PPFIA2: variants seen among roughly 807,000 people sequenced by gnomAD.
PPFIA2 encodes the protein PPFI scaffold protein A2.
PPFIA2 carries 46 observed loss-of-function variants against 175.5 expected under a neutral mutation model. The observed-to-expected ratio is 0.26, with a 90% confidence interval of 0.21 to 0.34. PPFIA2 has a LOEUF of 0.34. Among genes scored for constraint, PPFIA2 ranks in the 10% least tolerant of loss-of-function variants. The pLI, the probability that PPFIA2 is intolerant of heterozygous loss-of-function variation, is 1.00. For missense variants in PPFIA2, 1,179 were observed against 1,506.1 expected (o/e 0.78, Z 3.60); for synonymous variants, 568 against 511.4 (o/e 1.11, Z -1.49).
At position 81,705,954 on chromosome 12, in the gene PPFIA2, G is replaced by A. The variant is rs12310614; in HGVS notation, c.250-29110C>T. On this transcript the variant is annotated intron_variant, in intron 3 of 32. Coordinates refer to ENST00000549396, the MANE Select transcript of PPFIA2 (RefSeq NM_003625.5). ...CACTTGAAATGTGGCTATTTGCCAC[G>A]TGTTAAAATGATATTTTGGATATAT... is the stretch of plus-strand genomic sequence containing the variant. 6.8e-3 allele frequency among the ~76,000 whole-genome samples: 1,035 copies of A among 152,244 alleles called. 9 individuals carry two copies. The highest frequency in any genetic ancestry group is 0.024 in the African/African-American group (983 of 41,558).
chr12:81,551,262 C>T (rs1024416161), intron 4 of PPFIA2, among the ~76,000 whole-genome samples: 10 of 151,800 alleles, frequency 6.6e-5, no homozygotes, highest in Admixed American at 5.9e-4. Flanking sequence ...TGGGGTGAGC[C>T]ATATCCAAAA....
chr12:81,569,846 T>A (rs999500843), intron 4 of PPFIA2, among the ~76,000 whole-genome samples: 2 of 152,062 alleles, frequency 1.3e-5, no homozygotes, highest in African/African-American at 4.8e-5. Flanking sequence ...TACTGATTTT[T>A]TTATAGATAG....
At chr12:81,328,695 G>A (rs2055378904) in intron 21 of PPFIA2, among the ~76,000 whole-genome samples, 1 of 152,136 alleles carries the variant, frequency 6.6e-6, no homozygotes, top group Non-Finnish European at 1.5e-5. Flanking sequence ...TATGTTGAGG[G>A]AGGGTGCATT....
chr12:81,416,505 A>G (rs1388512071), intron 7 of PPFIA2, among the ~76,000 whole-genome samples: 1 of 151,694 alleles, frequency 6.6e-6, no homozygotes, highest in African/African-American at 2.4e-5. Context: ...TCACCAAGGA[A>G]GATGCTATTG....
At position 81,267,933 on chromosome 12, in the gene PPFIA2, C is replaced by G; in HGVS notation, c.3465G>C (p.Gln1155His). ...FDYSSLALLLQIPTQNTQARQ... is the reference protein window; with the variant it reads ...FDYSSLALLLHIPTQNTQARQ... ...TTGCCTGGGTGTTCTGTGTTGGAAT[C>G]TGTAATAATAAAGCTAAGCTGCTGT... The change falls in exon 29 of 33, where the codon CAG (glutamine) becomes CAC (histidine). Residue 1155 changes from glutamine (Q) to histidine (H), a missense_variant. Coordinates refer to ENST00000549396, the MANE Select transcript of PPFIA2 (RefSeq NM_003625.5). The G allele has an allele frequency of 3.1e-6, 5 of 1,596,312 alleles. No homozygotes were observed. Among genetic ancestry groups the G allele is most frequent in the Non-Finnish European group, 4.3e-6 (5 of 1,170,370 alleles).
intron 22 of PPFIA2, among the ~76,000 whole-genome samples, chr12:81,319,921 C>T (rs2053287422): frequency 6.6e-6 from 1 of 152,018 alleles, no homozygotes; most frequent in South Asian, 2.1e-4. Flanking sequence ...TACTGCATGC[C>T]TACAAAACAA....
rs762977214 is a variant in PPFIA2, at chr12:81,277,415, C to CT, written c.3213-2dup. On this transcript the variant is annotated splice_acceptor_variant, in intron 27 of 32. Coordinates refer to ENST00000549396, the MANE Select transcript of PPFIA2 (RefSeq NM_003625.5). LOFTEE classifies it high-confidence loss of function. ...CATAATTCCATATTGTAAACTTGTT[C>CT]TTTTTTTTTTATTAAAAAAAAAAAA... The CT allele has an allele frequency of 3.9e-3, 4,719 of 1,206,162 alleles. No homozygotes were observed. The highest frequency in any genetic ancestry group is 0.01 in the South Asian group (559 of 54,612). 74.7% of individuals were successfully genotyped at this position (1,206,162 alleles called of 1,614,324 possible). A position where few individuals can be genotyped will look rare whatever the true frequency, so the allele number is the denominator to read the frequency against.
intron 4 of PPFIA2, among the ~76,000 whole-genome samples, chr12:81,609,012 AAG>A (rs1219254625): frequency 6.6e-6 from 1 of 151,956 alleles, no homozygotes; most frequent in African/African-American, 2.4e-5. Context: ...ATTAATTTCA[AAG>A]AATTTTTTTT....
At chr12:81,547,857 C>A (rs1470717153) in intron 4 of PPFIA2, among the ~76,000 whole-genome samples, 1 of 152,080 alleles carries the variant, frequency 6.6e-6, no homozygotes, top group Non-Finnish European at 1.5e-5. Flanking sequence ...GGTTTTCTGG[C>A]AAAGAACTAT....
intron 5 of PPFIA2, among the ~76,000 whole-genome samples, chr12:81,449,843 A>T (rs935952933): frequency 4.4e-5 from 6 of 137,212 alleles, no homozygotes; most frequent in Admixed American, 2.5e-4. Context: ...CCTGTGTCCA[A>T]ATGTTCTCAT....
chr12:81,573,015 G>C (rs1347751471), intron 4 of PPFIA2, among the ~76,000 whole-genome samples: 1 of 117,270 alleles, frequency 8.5e-6, no homozygotes, highest in Non-Finnish European at 1.9e-5. Flanking sequence ...TTAATATTGA[G>C]AGAGAGAGAG....
Position 81,360,085 on chromosome 12 carries a change from G to T in PPFIA2, c.1638-1868C>A, listed in dbSNP as rs1358826157. Among the ~76,000 whole-genome samples the T allele has an allele frequency of 2.0e-5, 3 of 151,864 alleles. No homozygotes were observed. In the East Asian group the frequency reaches 5.8e-4, roughly 29 times the overall value. ...TGTGGTTAACAGTTTTAAGGTCTCA[G>T]TTTAAAAGTGCTATTGCCATCTACC... On this transcript the variant is annotated intron_variant, in intron 15 of 32. Transcript: ENST00000549396.
chr12:81,699,950 T>A (rs1297680619), intron 3 of PPFIA2, among the ~76,000 whole-genome samples: 1 of 152,066 alleles, frequency 6.6e-6, no homozygotes, highest in Admixed American at 6.6e-5. Flanking sequence ...AAATTCTTAC[T>A]GGATGTTCAT....
intron 4 of PPFIA2, among the ~76,000 whole-genome samples, chr12:81,540,845 A>T (rs2066097844): frequency 6.6e-6 from 1 of 152,050 alleles, no homozygotes; most frequent in Non-Finnish European, 1.5e-5. Flanking sequence ...TCTATCATTA[A>T]GATTTAAGAA....
intron 22 of PPFIA2, among the ~76,000 whole-genome samples, chr12:81,299,625 A>T (rs1021264668): frequency 4.6e-5 from 7 of 152,208 alleles, no homozygotes; most frequent in Non-Finnish European, 8.8e-5. Context: ...AAATTAGAAC[A>T]TTAAGTGCTA....
chr12:81,493,366 T>C (rs1324508111), intron 4 of PPFIA2, among the ~76,000 whole-genome samples: 3 of 151,962 alleles, frequency 2.0e-5, no homozygotes, highest in Non-Finnish European at 2.9e-5. Flanking sequence ...AGTGTTCAGA[T>C]GCTGGGAAGA....
At chr12:81,476,934 T>C (rs1419800734) in intron 4 of PPFIA2, among the ~76,000 whole-genome samples, 1 of 152,082 alleles carries the variant, frequency 6.6e-6, no homozygotes, top group Non-Finnish European at 1.5e-5. Context: ...TGGAAGCCAT[T>C]ATCCACAGCA....
chr12:81,288,408 T>A lies in PPFIA2; in HGVS notation c.2926-4105A>T, dbSNP rs371347229. On this transcript the variant is annotated intron_variant, in intron 24 of 32. Transcript: ENST00000549396. ...CCCCTTAGTACCCATGGAATAGAAC[T>A]TTGAGAAAGTATCAAGGGAGAAGGA... 1.7e-4 allele frequency among the ~76,000 whole-genome samples: 26 copies of A among 151,810 alleles called. No homozygotes were observed. The South Asian group carries it at 5.0e-3, about 29-fold the overall frequency.
intron 7 of PPFIA2, among the ~76,000 whole-genome samples, chr12:81,428,769 C>T (rs954481260): frequency 6.6e-6 from 1 of 151,906 alleles, no homozygotes; most frequent in Non-Finnish European, 1.5e-5. Context: ...ATCTTCTAAC[C>T]AAAAATGATA....
Sources: gnomAD v4.1 joint callset for allele counts (sites outside exome capture counted in the v4.1 genomes callset) on GRCh38, gnomAD v4.1.1 for gene constraint, MANE v1.5 for transcripts, NCBI Gene and HGNC (gene_info 2026-07-23, HGNC 2026-07-21) for gene names.